LDLRAD4: variants seen among roughly 807,000 people sequenced by gnomAD.
LDLRAD4 encodes low-density lipoprotein receptor class A domain-containing protein 4.
Under a neutral mutation model 17.0 loss-of-function variants are expected in LDLRAD4, and 5 were observed. That is an observed-to-expected ratio of 0.29 (90% CI 0.15 to 0.62). The LOEUF (loss-of-function observed/expected upper bound fraction) is 0.62, where lower values mean the gene tolerates loss of function less well. Among genes scored for constraint, LDLRAD4 ranks in the 20% least tolerant of loss-of-function variants. The pLI is 0.84. For missense variants in LDLRAD4, 340 were observed against 424.7 expected, an observed-to-expected ratio of 0.80 and a Z score of 1.75; for synonymous variants, 168 against 171.8, an observed-to-expected ratio of 0.98 and a Z score of 0.17.
chr18:13,439,319 T>C (rs2090871568), intron 3 of LDLRAD4, among the ~76,000 whole-genome samples: 1 of 152,252 alleles, frequency 6.6e-6, no homozygotes, highest in Non-Finnish European at 1.5e-5. Context: ...GTATTCCTAC[T>C]GTATTTTTAT....
At chr18:13,361,935 C>T (rs1285776038) in intron 1 of LDLRAD4, among the ~76,000 whole-genome samples, 4 of 151,722 alleles carry the variant, frequency 2.6e-5, no homozygotes, top group Non-Finnish European at 5.9e-5. Context: ...TTAATAGGAG[C>T]GTACTTGACA....
intron 3 of LDLRAD4, among the ~76,000 whole-genome samples, chr18:13,550,091 T>A (rs1261240055): frequency 6.6e-6 from 1 of 152,208 alleles, no homozygotes; most frequent in African/African-American, 2.4e-5. Context: ...CAGACACAGT[T>A]GCTGTCTACA....
At chr18:13,480,884 A>G (rs1164233684) in intron 3 of LDLRAD4, among the ~76,000 whole-genome samples, 3 of 152,224 alleles carry the variant, frequency 2.0e-5, no homozygotes, top group Non-Finnish European at 2.9e-5. Context: ...CTCCCAGTGA[A>G]AACCCACGTC....
In LDLRAD4 at chr18:13,471,445, A is replaced by T. The variant is rs546916034; in HGVS notation, c.181+33061A>T. Reference sequence around the variant, plus strand: ...GCATTGTTTTTCTTTCGTAATGGAGAGAAGAGGGGAAGAAAAGGCCCAGGC... The same window carrying T: ...GCATTGTTTTTCTTTCGTAATGGAGTGAAGAGGGGAAGAAAAGGCCCAGGC... On this transcript the variant is annotated intron_variant, in intron 3 of 5. Transcript: ENST00000359446. 3 of 152,400 alleles carry T rather than the reference A, an allele frequency of 2.0e-5. No individual in the cohort carries two copies. In the East Asian group the frequency reaches 5.8e-4, roughly 29 times the overall value. 9.4% of individuals were successfully genotyped at this position (152,400 alleles called of 1,614,324 possible).
At chr18:13,262,129 C>A (rs62097315) in intron 1 of LDLRAD4, among the ~76,000 whole-genome samples, 2 of 87,400 alleles carry the variant, frequency 2.3e-5, no homozygotes, top group African/African-American at 9.2e-5. Flanking sequence ...CAGCTCTGTG[C>A]GTGGAAACTG....
chr18:13,562,510 T>A (rs1052941473), intron 3 of LDLRAD4, among the ~76,000 whole-genome samples: 1 of 152,264 alleles, frequency 6.6e-6, no homozygotes, highest in Non-Finnish European at 1.5e-5. Context: ...ATTTGATACA[T>A]GTATATACAT....
At chr18:13,647,523 G>C (rs1389233686) in exon 6 of LDLRAD4, 3 of 152,324 alleles carry the variant, frequency 2.0e-5, no homozygotes, top group Non-Finnish European at 4.4e-5. Flanking sequence ...AAGGTGATCC[G>C]TCGGTGCGGT....
intron 3 of LDLRAD4, among the ~76,000 whole-genome samples, chr18:13,618,040 C>G (rs1439011476): frequency 6.6e-6 from 1 of 152,112 alleles, no homozygotes; most frequent in Non-Finnish European, 1.5e-5. Flanking sequence ...TATACACATG[C>G]AATTTTGTGG....
intron 4 of LDLRAD4, among the ~76,000 whole-genome samples, chr18:13,624,592 TAGG>T (rs2040951065): frequency 6.6e-6 from 1 of 152,110 alleles, no homozygotes; most frequent in Non-Finnish European, 1.5e-5. Flanking sequence ...GTGGGAGCTG[TAGG>T]AGGTGTTTGG....
intron 4 of LDLRAD4, among the ~76,000 whole-genome samples, chr18:13,636,450 TAAAG>T (rs1298514390): frequency 6.9e-6 from 1 of 144,846 alleles, no homozygotes; most frequent in Non-Finnish European, 1.5e-5. Flanking sequence ...CAAAGGAAAA[TAAAG>T]ACTTTTCACA....
chr18:13,447,229 G>T (rs1346545772), intron 3 of LDLRAD4, among the ~76,000 whole-genome samples: 1 of 149,484 alleles, frequency 6.7e-6, no homozygotes. Context: ...AGGGCAATAT[G>T]CCTCTCTCTG....
chr18:13,352,178 G>A (rs1289790630), intron 1 of LDLRAD4, among the ~76,000 whole-genome samples: 1 of 152,170 alleles, frequency 6.6e-6, no homozygotes, highest in African/African-American at 2.4e-5. Flanking sequence ...GCAAAAGCTG[G>A]AAGCATTCCC....
chr18:13,478,858 G>T (rs574658058), intron 3 of LDLRAD4, among the ~76,000 whole-genome samples: 1 of 152,180 alleles, frequency 6.6e-6, no homozygotes, highest in Non-Finnish European at 1.5e-5. Flanking sequence ...GAGAAATGAC[G>T]CTGCCTGCCT....
At chr18:13,431,874 A>G (rs952331108) in intron 2 of LDLRAD4, among the ~76,000 whole-genome samples, 1 of 152,226 alleles carries the variant, frequency 6.6e-6, no homozygotes, top group African/African-American at 2.4e-5. Flanking sequence ...CACAGAATAT[A>G]AACCTTCAAA....
chr18:13,329,835 T>C (rs2081748461), intron 1 of LDLRAD4, among the ~76,000 whole-genome samples: 1 of 152,226 alleles, frequency 6.6e-6, no homozygotes, highest in African/African-American at 2.4e-5. Flanking sequence ...GGTCTAGTTT[T>C]AGATTCATTA....
chr18:13,598,179 T>G (rs1298120433), intron 3 of LDLRAD4, among the ~76,000 whole-genome samples: 1 of 152,256 alleles, frequency 6.6e-6, no homozygotes, highest in East Asian at 1.9e-4. Flanking sequence ...CCAGAACTTC[T>G]TGTTGTTTTC....
chr18:13,624,766 G>A (rs16940917), intron 4 of LDLRAD4, among the ~76,000 whole-genome samples: 71,993 of 152,078 alleles, frequency 0.47, 17,664 homozygotes, highest in Middle Eastern at 0.56. Flanking sequence ...GGGAAGGCAC[G>A]GCTGGCTGGT....
At chr18:13,557,942 C>T (rs1255053343) in intron 3 of LDLRAD4, among the ~76,000 whole-genome samples, 1 of 152,140 alleles carries the variant, frequency 6.6e-6, no homozygotes, top group Non-Finnish European at 1.5e-5. Context: ...AGTTGTTAAA[C>T]AGGAACAAAA....
intron 3 of LDLRAD4, among the ~76,000 whole-genome samples, chr18:13,505,434 T>C (rs1228785283): frequency 6.6e-6 from 1 of 152,240 alleles, no homozygotes; most frequent in Non-Finnish European, 1.5e-5. Context: ...GGTCACAGCA[T>C]TAAAAACTTT....
Sources: gnomAD v4.1 joint callset for allele counts (sites outside exome capture counted in the v4.1 genomes callset) on GRCh38, gnomAD v4.1.1 for gene constraint, MANE v1.5 for transcripts, NCBI Gene and HGNC (gene_info 2026-07-23, HGNC 2026-07-21) for gene names.